The following CSMD3 variants were observed in gnomAD, a reference collection of about 807,000 sequenced individuals.
CSMD3 encodes the protein CUB and sushi domain-containing protein 3.
In CSMD3, 177 loss-of-function variants were observed where a neutral mutation model predicts 435.2. The observed-to-expected ratio is 0.41, with a 90% CI of 0.36 to 0.46. CSMD3 has a LOEUF of 0.46. CSMD3 is among the 20% of genes least tolerant of loss of function. The pLI is 0.34. For missense variants in CSMD3, 4,265 were observed against 4,504.6 expected (o/e 0.95, Z 1.52); for synonymous variants, 1,656 against 1,520.5 (o/e 1.09, Z -2.07).
intron 4 of CSMD3, among the ~76,000 whole-genome samples, chr8:113,171,382 T>C (rs1201668065): frequency 6.6e-6 from 1 of 152,124 alleles, no homozygotes; most frequent in African/African-American, 2.4e-5. Flanking sequence ...CCAAAGGCTA[T>C]TGTCTGAATT....
intron 22 of CSMD3, among the ~76,000 whole-genome samples, chr8:112,600,280 A>G (rs1156640749): frequency 6.6e-6 from 1 of 152,194 alleles, no homozygotes; most frequent in Non-Finnish European, 1.5e-5. Context: ...TTTTCAAATA[A>G]ATGGCTCTTT....
chr8:112,589,307 C>T (rs1050806569), intron 22 of CSMD3, among the ~76,000 whole-genome samples: 3 of 152,136 alleles, frequency 2.0e-5, no homozygotes, highest in Admixed American at 6.6e-5. Flanking sequence ...GCCACAGTCT[C>T]ACAATCTGAG....
At chr8:112,614,599 T>C (rs1833522997) in intron 22 of CSMD3, among the ~76,000 whole-genome samples, 1 of 152,128 alleles carries the variant, frequency 6.6e-6, no homozygotes, top group African/African-American at 2.4e-5. Flanking sequence ...TGAATACTTC[T>C]ATTAGAGAGG....
Position 113,091,764 on chromosome 8 carries a change from CTTTATT to C in CSMD3, c.917+6986_917+6991del, listed in dbSNP as rs139752228. The stretch of plus-strand genomic sequence containing the variant: ...GTTTTACTATCTTTTATATTGTTCT[CTTTATT>C]TCTATTTCATTTATTTCTGCTCTTA... On this transcript the variant is annotated intron_variant, in intron 5 of 70. Transcript: ENST00000297405. Among the ~76,000 whole-genome samples the C allele has an allele frequency of 8.3e-3, 1,266 of 151,632 alleles. 10 individuals carry two copies. Among genetic ancestry groups the C allele is most frequent in the Middle Eastern group, 0.024 (7 of 290 alleles).
At chr8:112,243,245 AT>A (rs1814343326) in intron 65 of CSMD3, among the ~76,000 whole-genome samples, 1 of 151,822 alleles carries the variant, frequency 6.6e-6, no homozygotes, top group Non-Finnish European at 1.5e-5. Context: ...TAAAAAAAAA[AT>A]AGAAAGAAAA....
At chr8:113,245,380 T>G (rs1231108043) in intron 3 of CSMD3, among the ~76,000 whole-genome samples, 3 of 151,976 alleles carry the variant, frequency 2.0e-5, no homozygotes, top group Non-Finnish European at 4.4e-5. Context: ...ATATGTCCTA[T>G]TATATCATTT....
At chr8:112,506,211 C>T (rs530005192) in intron 29 of CSMD3, among the ~76,000 whole-genome samples, 5 of 152,140 alleles carry the variant, frequency 3.3e-5, no homozygotes, top group African/African-American at 1.2e-4. Context: ...ATTATCTTTA[C>T]TTAGGAAAAA....
At chr8:112,433,176 G>A (rs1178902413) in intron 32 of CSMD3, among the ~76,000 whole-genome samples, 2 of 152,104 alleles carry the variant, frequency 1.3e-5, no homozygotes, top group East Asian at 1.9e-4. Flanking sequence ...AGAAATAAAT[G>A]TATACAGTAG....
At chr8:112,875,983 A>G (rs189588294) in intron 10 of CSMD3, among the ~76,000 whole-genome samples, 1 of 152,126 alleles carries the variant, frequency 6.6e-6, no homozygotes, top group Admixed American at 6.6e-5. Context: ...GATCCTTTGG[A>G]AAATAAGAGG....
chr8:112,465,596 G>C (rs975818498), intron 32 of CSMD3, among the ~76,000 whole-genome samples: 1 of 152,020 alleles, frequency 6.6e-6, no homozygotes, highest in African/African-American at 2.4e-5. Context: ...TAAAATGATA[G>C]GCTTAAAAAA....
At chr8:112,794,123 A>G (rs1278154917) in intron 13 of CSMD3, among the ~76,000 whole-genome samples, 1 of 151,856 alleles carries the variant, frequency 6.6e-6, no homozygotes, top group African/African-American at 2.4e-5. Flanking sequence ...CTTTCTTTCT[A>G]TTCATTGGTT....
Position 112,638,859 on chromosome 8 carries a change from T to G in CSMD3, c.3363A>C (p.Leu1121Phe). The change falls in exon 21 of 71, where the codon TTA becomes TTC. Residue 1121 changes from leucine to phenylalanine, a missense_variant. By Grantham distance (22) the Leu-to-Phe change is conservative. Coordinates refer to ENST00000297405, the MANE Select transcript of CSMD3 (RefSeq NM_198123.2). ...TAAAACTGCCATTCTCTGTGATCAG[T>G]AAGTAGTCATGATGGTCTTCCAAAT... ...TFHLEDHHDY[L>F]LITENGSFTQ... is the part of the protein sequence containing the mutation. The G allele has an allele frequency of 6.2e-7, 1 of 1,613,410 alleles. No homozygotes were observed. Among genetic ancestry groups the G allele is most frequent in the East Asian group, 2.2e-5 (1 of 44,824 alleles).
At chr8:112,730,307 AG>A (rs2077048473) in intron 13 of CSMD3, among the ~76,000 whole-genome samples, 2 of 152,264 alleles carry the variant, frequency 1.3e-5, no homozygotes, top group Non-Finnish European at 1.5e-5. Flanking sequence ...GAAAGAATTA[AG>A]GTCACTGACT....
intron 54 of CSMD3, among the ~76,000 whole-genome samples, chr8:112,294,247 T>C (rs922435580): frequency 1.3e-5 from 2 of 152,112 alleles, no homozygotes; most frequent in Non-Finnish European, 2.9e-5. Flanking sequence ...AACAGTATTA[T>C]GACCGAATTT....
intron 22 of CSMD3, among the ~76,000 whole-genome samples, chr8:112,596,192 CAA>C: frequency 6.7e-6 from 1 of 149,630 alleles, no homozygotes. Context: ...AATTGGAAAA[CAA>C]AAAAAGGCAG....
Position 112,769,889 on chromosome 8 carries a change from G to C in CSMD3, c.1972+30273C>G, listed in dbSNP as rs538877961. Among the ~76,000 whole-genome samples, 5 of 152,026 alleles carry C rather than the reference G, an allele frequency of 3.3e-5. No individual in the cohort carries two copies. The East Asian group carries it at 9.7e-4, about 29-fold the overall frequency. On this transcript the variant is annotated intron_variant, in intron 13 of 70. Transcript: ENST00000297405. ...ACTAAAATAAAGGGAATCTATGGCAGTGACAACCTAAAATTAATGTACAAT... is the reference window on the plus strand; with the variant it reads ...ACTAAAATAAAGGGAATCTATGGCACTGACAACCTAAAATTAATGTACAAT...
chr8:112,742,949 G>C (rs1349947513), intron 13 of CSMD3, among the ~76,000 whole-genome samples: 1 of 151,930 alleles, frequency 6.6e-6, no homozygotes, highest in Non-Finnish European at 1.5e-5. Context: ...TTGGTTTAGT[G>C]CTTTTCTGCT....
chr8:113,267,267 A>AAAG (rs2093479291), intron 3 of CSMD3, among the ~76,000 whole-genome samples: 1 of 151,722 alleles, frequency 6.6e-6, no homozygotes, highest in Non-Finnish European at 1.5e-5. Flanking sequence ...ACAGAAAGAA[A>AAAG]AAGAAATCAA....
At position 112,470,812 on chromosome 8, in the gene CSMD3, C is replaced by T. The variant is rs547434121; in HGVS notation, c.5395+1779G>A. Reference sequence around the variant, plus strand: ...TACAGGTGCTTAAATATATATGTAACTTAAAATGAAGAATGATGCAACATT... The same window carrying T: ...TACAGGTGCTTAAATATATATGTAATTTAAAATGAAGAATGATGCAACATT... On this transcript the variant is annotated intron_variant, in intron 32 of 70. Coordinates refer to ENST00000297405, the MANE Select transcript of CSMD3 (RefSeq NM_198123.2). Among the ~76,000 whole-genome samples, 29 of 151,928 alleles carry T rather than the reference C, an allele frequency of 1.9e-4. 1 individual carries two copies. Among genetic ancestry groups the T allele is most frequent in the African/African-American group, 6.8e-4 (28 of 41,476 alleles).
Sources: gnomAD v4.1 joint callset for allele counts (sites outside exome capture counted in the v4.1 genomes callset) on GRCh38, gnomAD v4.1.1 for gene constraint, MANE v1.5 for transcripts, NCBI Gene and HGNC (gene_info 2026-07-23, HGNC 2026-07-21) for gene names.